The following PABPC4L variants were observed in gnomAD, a reference collection of about 807,000 sequenced individuals.
PABPC4L encodes the protein polyadenylate-binding protein 4-like.
For missense variants in PABPC4L, 452 were observed against 451.4 expected (o/e 1.00, Z -0.01); for synonymous variants, 169 against 164.1 (o/e 1.03, Z -0.23).
At chr4:133,963,014 T>C in the PABPC4L span, among the ~76,000 whole-genome samples, 1 of 152,096 alleles carries the variant, frequency 6.6e-6, no homozygotes. Flanking sequence ...TAAATGTAAA[T>C]GGCCTAAATG....
At chr4:134,023,811 G>T in the PABPC4L span, among the ~76,000 whole-genome samples, 2 of 151,958 alleles carry the variant, frequency 1.3e-5, no homozygotes, top group South Asian at 4.1e-4. Context: ...AGAAGTCACA[G>T]ATCTCCTTAT....
At chr4:134,090,428 A>AT in the PABPC4L span, among the ~76,000 whole-genome samples, 2 of 152,054 alleles carry the variant, frequency 1.3e-5, no homozygotes, top group Non-Finnish European at 2.9e-5. Context: ...TTGCTTTTAT[A>AT]TTTTTTCAAA....
the PABPC4L span, among the ~76,000 whole-genome samples, chr4:134,164,478 T>C: frequency 6.6e-6 from 1 of 151,956 alleles, no homozygotes; most frequent in Non-Finnish European, 1.5e-5. Context: ...CTGCTATACA[T>C]CAACAGCAAC....
the PABPC4L span, among the ~76,000 whole-genome samples, chr4:134,082,308 G>GA: frequency 3.3e-4 from 49 of 150,544 alleles, no homozygotes; most frequent in South Asian, 5.9e-3. Context: ...TTTCTTTTTT[G>GA]AAAAAAAAGA....
chr4:134,017,308 G>A, the PABPC4L span, among the ~76,000 whole-genome samples: 1 of 152,046 alleles, frequency 6.6e-6, no homozygotes, highest in Non-Finnish European at 1.5e-5. Flanking sequence ...AATGCTACAG[G>A]GTACAGTCCA....
the PABPC4L span, among the ~76,000 whole-genome samples, chr4:134,153,335 T>A: frequency 5.9e-5 from 9 of 152,022 alleles, no homozygotes; most frequent in South Asian, 8.3e-4. Context: ...AATGTTCAGA[T>A]GCTGGTTTTT....
the PABPC4L span, among the ~76,000 whole-genome samples, chr4:134,156,076 G>A: frequency 2.0e-5 from 3 of 151,844 alleles, no homozygotes; most frequent in African/African-American, 7.2e-5. Flanking sequence ...GTTATCTGTC[G>A]GAGCCTGAAG....
the PABPC4L span, among the ~76,000 whole-genome samples, chr4:134,024,873 G>T: frequency 4.2e-5 from 6 of 143,220 alleles, no homozygotes; most frequent in East Asian, 2.0e-4. Context: ...AGGCTCAAAC[G>T]ATTTTGTCAC....
the PABPC4L span, among the ~76,000 whole-genome samples, chr4:134,035,543 A>G: frequency 1.3e-5 from 2 of 152,052 alleles, no homozygotes; most frequent in African/African-American, 4.8e-5. Context: ...GTTGTATGAT[A>G]ATCTATTTAT....
the PABPC4L span, among the ~76,000 whole-genome samples, chr4:134,099,118 A>G: frequency 6.6e-6 from 1 of 151,608 alleles, no homozygotes; most frequent in Admixed American, 6.6e-5. Context: ...ATCCGATTTT[A>G]CTCTTCAAAT....
the PABPC4L span, among the ~76,000 whole-genome samples, chr4:133,964,997 A>G: frequency 2.0e-5 from 3 of 152,098 alleles, no homozygotes; most frequent in African/African-American, 7.2e-5. Flanking sequence ...GAAATAAAGG[A>G]CATCTAAATT....
At chr4:134,168,192 A>G in the PABPC4L span, among the ~76,000 whole-genome samples, 1 of 152,046 alleles carries the variant, frequency 6.6e-6, no homozygotes, top group Non-Finnish European at 1.5e-5. Context: ...ACAATAAAGA[A>G]ATTAAGAAGA....
At chr4:134,113,086 A>G in the PABPC4L span, among the ~76,000 whole-genome samples, 4 of 152,046 alleles carry the variant, frequency 2.6e-5, no homozygotes, top group African/African-American at 9.7e-5. Context: ...ATATAAAGAA[A>G]GAAATATTTT....
At chr4:134,062,273 G>T in the PABPC4L span, among the ~76,000 whole-genome samples, 1 of 151,904 alleles carries the variant, frequency 6.6e-6, no homozygotes, top group Non-Finnish European at 1.5e-5. Flanking sequence ...TATGATTCAA[G>T]GGAGTATATG....
At chr4:134,051,866 CAT>C in the PABPC4L span, among the ~76,000 whole-genome samples, 3 of 152,024 alleles carry the variant, frequency 2.0e-5, no homozygotes, top group Non-Finnish European at 4.4e-5. Flanking sequence ...AATGTTTATA[CAT>C]GTCTTCAGAT....
chr4:134,007,020 A>C, the PABPC4L span, among the ~76,000 whole-genome samples: 85 of 151,902 alleles, frequency 5.6e-4, no homozygotes, highest in African/African-American at 2.0e-3. Flanking sequence ...GGATTAACCA[A>C]ATGCTCCAAA....
the PABPC4L span, among the ~76,000 whole-genome samples, chr4:134,013,400 C>T: frequency 2.0e-5 from 3 of 151,982 alleles, 1 homozygote; most frequent in African/African-American, 7.3e-5. Flanking sequence ...CTGGGCTTGC[C>T]TCCTTCGCTA....
the PABPC4L span, among the ~76,000 whole-genome samples, chr4:134,135,997 T>C: frequency 6.6e-6 from 1 of 152,062 alleles, no homozygotes; most frequent in Non-Finnish European, 1.5e-5. Flanking sequence ...ATCTTTCCAT[T>C]ATAAATATTT....
the PABPC4L span, among the ~76,000 whole-genome samples, chr4:134,028,883 T>C: frequency 6.6e-6 from 1 of 152,122 alleles, no homozygotes; most frequent in East Asian, 1.9e-4. Context: ...GAAAAAATTA[T>C]TTTTGTCACT....
Sources: allele counts gnomAD v4.1 joint callset (sites outside exome capture counted in the v4.1 genomes callset), GRCh38; gene constraint gnomAD v4.1.1; transcripts MANE v1.5; gene names NCBI Gene and HGNC (gene_info 2026-07-23, HGNC 2026-07-21).